Variants in MAPK4 observed in about 807,000 individuals in gnomAD.
MAPK4 encodes mitogen-activated protein kinase 4.
MAPK4 carries 22 observed loss-of-function variants against 47.7 expected under a neutral mutation model. The observed-to-expected ratio is 0.46, with a 90% CI of 0.33 to 0.66. The LOEUF is 0.66. Among genes scored for constraint, MAPK4 ranks in the 30% least tolerant of loss-of-function variants. The probability of loss-of-function intolerance (pLI) is 0.02; values close to 1 mark genes in which losing one functional copy is unlikely to be tolerated. For missense variants in MAPK4, 736 were observed against 831.7 expected, an observed-to-expected ratio of 0.88 and a Z score of 1.42; for synonymous variants, 390 against 365.7, an observed-to-expected ratio of 1.07 and a Z score of -0.76.
intron 1 of MAPK4, among the ~76,000 whole-genome samples, chr18:50,651,659 CA>C (rs2043050863): frequency 6.6e-6 from 1 of 152,150 alleles, no homozygotes; most frequent in Non-Finnish European, 1.5e-5. Context: ...TGGCGGCAGT[CA>C]GGAAGTTAGA....
rs758298635 is a variant in MAPK4 at position 50,729,284 on chromosome 18, C to G, written c.1194C>G (p.Arg398=). 1.7e-5 allele frequency: 28 copies of G among 1,609,040 alleles called. No homozygotes were observed. Among genetic ancestry groups the G allele is most frequent in the Middle Eastern group, 1.6e-4 (1 of 6,076 alleles). Residue 398 remains arginine (R), a synonymous_variant, in exon 6 of 6, where the codon CGC becomes CGG. Transcript: ENST00000400384. Reference sequence around the variant, plus strand: ...CTGAGGACGTGCAGGTGGACCCGCGCAAGGACTCGCACAGCAGCTCCGAGC... The same window carrying G: ...CTGAGGACGTGCAGGTGGACCCGCGGAAGGACTCGCACAGCAGCTCCGAGC... The part of the protein sequence containing the change: ...PLAEDVQVDP[R]KDSHSSSERF...
intron 1 of MAPK4, among the ~76,000 whole-genome samples, chr18:50,562,351 A>G (rs530355995): frequency 1.3e-5 from 2 of 151,396 alleles, no homozygotes; most frequent in East Asian, 3.9e-4. Flanking sequence ...AACCCTGGCT[A>G]TATCACCCTC....
chr18:50,585,498 T>C (rs2149364698), intron 1 of MAPK4, among the ~76,000 whole-genome samples: 1 of 152,184 alleles, frequency 6.6e-6, no homozygotes, highest in East Asian at 1.9e-4. Flanking sequence ...ACATGTCTGG[T>C]TTTTTCTACA....
intron 1 of MAPK4, among the ~76,000 whole-genome samples, chr18:50,591,416 T>C (rs1479004418): frequency 6.6e-6 from 1 of 151,986 alleles, no homozygotes; most frequent in African/African-American, 2.4e-5. Context: ...TATCTTGAAG[T>C]ATCTATGTTG....
chr18:50,611,805 C>G lies in MAPK4; in HGVS notation c.-870-51284C>G, dbSNP rs78950072. Among the ~76,000 whole-genome samples, 785 of 152,334 alleles carry G rather than the reference C, an allele frequency of 5.2e-3. 6 individuals carry two copies. Among genetic ancestry groups the G allele is most frequent in the African/African-American group, 0.018 (746 of 41,572 alleles). On this transcript the variant is annotated intron_variant, in intron 1 of 5. Coordinates refer to ENST00000400384, the MANE Select transcript of MAPK4 (RefSeq NM_002747.4). ...CTGGATTGAACAACTGAGAAGTACTCTGGTGCTTGCTGGATTCTTTGAGAT... is the reference window on the plus strand; with the variant it reads ...CTGGATTGAACAACTGAGAAGTACTGTGGTGCTTGCTGGATTCTTTGAGAT...
intron 4 of MAPK4, among the ~76,000 whole-genome samples, chr18:50,722,503 G>C (rs1156835034): frequency 6.6e-6 from 1 of 152,142 alleles, no homozygotes; most frequent in East Asian, 1.9e-4. Context: ...CTCAGGCAAG[G>C]ACCGCCCTTC....
chr18:50,664,801 C>G lies in MAPK4; in HGVS notation c.546+297C>G, dbSNP rs1252575468. Among the ~76,000 whole-genome samples the G allele has an allele frequency of 6.6e-6, 1 of 152,122 alleles. No homozygotes were observed. The highest frequency in any genetic ancestry group is 1.5e-5 in the Non-Finnish European group (1 of 68,016). On this transcript the variant is annotated intron_variant, in intron 2 of 5. Coordinates refer to ENST00000400384, the MANE Select transcript of MAPK4 (RefSeq NM_002747.4). The surrounding 1 kb of genome is among the most constrained non-coding windows in gnomAD (Gnocchi z 6.0). ...AGCTCTAAATTCTATGGCTTGAAAA[C>G]TATGTGGTTGGTGAATTTGCCTCTA...
intron 1 of MAPK4, among the ~76,000 whole-genome samples, chr18:50,626,541 A>G (rs1174225934): frequency 6.6e-6 from 1 of 152,164 alleles, no homozygotes; most frequent in Non-Finnish European, 1.5e-5. Context: ...CCAAGGGTTC[A>G]TCAAGGTGTC....
chr18:50,653,670 A>G (rs1350525558), intron 1 of MAPK4, among the ~76,000 whole-genome samples: 1 of 152,260 alleles, frequency 6.6e-6, no homozygotes, highest in East Asian at 1.9e-4. Flanking sequence ...CAGGGCACCT[A>G]CTGTGCACCA....
chr18:50,612,819 G>T (rs189447943), intron 1 of MAPK4, among the ~76,000 whole-genome samples: 1 of 152,186 alleles, frequency 6.6e-6, no homozygotes, highest in Non-Finnish European at 1.5e-5. Context: ...TAGACAGAAA[G>T]CAGAAAGTGA....
At chr18:50,582,426 C>T (rs1366201929) in intron 1 of MAPK4, among the ~76,000 whole-genome samples, 1 of 152,210 alleles carries the variant, frequency 6.6e-6, no homozygotes, top group Non-Finnish European at 1.5e-5. Flanking sequence ...AATGGCTCAG[C>T]CTGGGACCAT....
In MAPK4 at chr18:50,648,732, T is replaced by G. The variant is rs1028259080; in HGVS notation, c.-870-14357T>G. ...AGGACCTACCCTAAAGCAGTGCGGATGAAAGGGGACAGGCTGCAGCATCGC... is the reference window on the plus strand; with the variant it reads ...AGGACCTACCCTAAAGCAGTGCGGAGGAAAGGGGACAGGCTGCAGCATCGC... On this transcript the variant is annotated intron_variant, in intron 1 of 5. Coordinates refer to ENST00000400384, the MANE Select transcript of MAPK4 (RefSeq NM_002747.4). 2.0e-5 allele frequency among the ~76,000 whole-genome samples: 3 copies of G among 152,112 alleles called. No individual in the cohort carries two copies. The East Asian group carries it at 5.8e-4, about 29-fold the overall frequency.
chr18:50,624,696 TG>T (rs774067892), intron 1 of MAPK4, among the ~76,000 whole-genome samples: 1 of 152,260 alleles, frequency 6.6e-6, no homozygotes, highest in African/African-American at 2.4e-5. Flanking sequence ...AGTATAAGTT[TG>T]TTTTTTAATA....
At chr18:50,716,892 C>CCTCCTTGCTCACCAT (rs1431468782) in intron 3 of MAPK4, among the ~76,000 whole-genome samples, 1 of 152,166 alleles carries the variant, frequency 6.6e-6, no homozygotes, top group East Asian at 1.9e-4. Context: ...GCCTCTGCAT[C>CCTCCTTGCTCACCAT]CTCCTTGCTC....
rs1275068457 is a variant in MAPK4 at position 50,729,254 on chromosome 18, A to C, written c.1164A>C (p.Pro388=). The C allele has an allele frequency of 1.2e-6, 2 of 1,608,634 alleles. No homozygotes were observed. Among genetic ancestry groups the C allele is most frequent in the Admixed American group, 1.7e-5 (1 of 59,868 alleles). Residue 388 remains proline, a synonymous_variant, in exon 6 of 6, where the codon CCA becomes CCC. Transcript: ENST00000400384. ...VQRDPRAGSA[P]LAEDVQVDPR... is the part of the protein sequence containing the mutation. ...GCGACCCGCGCGCGGGTTCGGCGCCACTGGCTGAGGACGTGCAGGTGGACC... is the reference window on the plus strand; with the variant it reads ...GCGACCCGCGCGCGGGTTCGGCGCCCCTGGCTGAGGACGTGCAGGTGGACC...
At chr18:50,631,224 A>T (rs2042826547) in intron 1 of MAPK4, among the ~76,000 whole-genome samples, 1 of 151,782 alleles carries the variant, frequency 6.6e-6, no homozygotes, top group African/African-American at 2.4e-5. Flanking sequence ...GTTGATGGTG[A>T]TATTGCAGTT....
intron 3 of MAPK4, among the ~76,000 whole-genome samples, chr18:50,719,372 C>A (rs1910809939): frequency 6.6e-6 from 1 of 152,086 alleles, no homozygotes; most frequent in African/African-American, 2.4e-5. Flanking sequence ...AAAAAATACA[C>A]AGTGAACCTA....
At chr18:50,728,973 C>G (rs542289216) in intron 5 of MAPK4, among the ~76,000 whole-genome samples, 185 bp from the exon 6 acceptor site, 11 of 152,352 alleles carry the variant, frequency 7.2e-5, no homozygotes, top group African/African-American at 2.2e-4. Flanking sequence ...AGAGTTAAGC[C>G]GAACAATCCA....
chr18:50,695,323 G>A (rs1213952735), intron 2 of MAPK4, among the ~76,000 whole-genome samples: 2 of 140,136 alleles, frequency 1.4e-5, no homozygotes, highest in East Asian at 4.2e-4. Context: ...CCTGGCCTAG[G>A]TCAAGGCTCC....
Sources: gnomAD v4.1 joint callset for allele counts (sites outside exome capture counted in the v4.1 genomes callset) on GRCh38, gnomAD v4.1.1 for gene constraint, Gnocchi (gnomAD v3.1) non-coding constraint, MANE v1.5 for transcripts, NCBI Gene and HGNC (gene_info 2026-07-23, HGNC 2026-07-21) for gene names.